Variants in DPP3 observed in about 807,000 individuals in gnomAD.
The protein encoded by DPP3 is DPP III.
A neutral mutation model predicts 89.8 loss-of-function variants in DPP3; 64 were observed. The ratio of observed to expected loss-of-function variants is 0.71; its 90% CI spans 0.58 to 0.88. The LOEUF is 0.88. DPP3 is among the 40% of genes least tolerant of loss of function. The pLI is 0.00. For synonymous variants in DPP3, 377 were observed against 404.3 expected (o/e 0.93, Z 0.81); for missense variants, 835 against 972.5 (o/e 0.86, Z 1.88).
chr11:66,494,351 C>T (rs1299435477), intron 12 of DPP3, among the ~76,000 whole-genome samples: 2 of 152,166 alleles, frequency 1.3e-5, no homozygotes, highest in African/African-American at 4.8e-5. Context: ...TGTGGGGCTG[C>T]TTCCCTGGAT....
chr11:66,493,077 G>C lies in DPP3; in HGVS notation c.1194G>C (p.Leu398=). The C allele has an allele frequency of 1.2e-6, 2 of 1,614,154 alleles. No homozygotes were observed. The highest frequency in any genetic ancestry group is 2.2e-5 in the South Asian group (2 of 91,066). The part of the protein sequence containing the change: ...AGINIPNYDD[L]RQTEGFKNVS... ...CTCCACCTTCTCCAGACGATGATCT[G>C]AGGCAGACGGAAGGCTTTAAGAACG... Residue 398 remains leucine, a synonymous_variant, in exon 11 of 18, where the codon CTG becomes CTC. Coordinates refer to ENST00000531863, the MANE Select transcript of DPP3 (RefSeq NM_130443.4).
At chr11:66,481,325 T>C (rs1033685866) in intron 1 of DPP3, among the ~76,000 whole-genome samples, 52 of 152,142 alleles carry the variant, frequency 3.4e-4, no homozygotes, top group African/African-American at 1.0e-3. Context: ...CCCGTCTCTA[T>C]CAAAAATACA....
intron 3 of DPP3, 105 bp from the exon 4 acceptor site, chr11:66,486,435 C>T: frequency 7.4e-7 from 1 of 1,343,038 alleles, no homozygotes; most frequent in Non-Finnish European, 9.7e-7. Flanking sequence ...ACACAATGAG[C>T]CAGAGCTCTT....
chr11:66,490,488 T>A (rs1855349088), intron 6 of DPP3, among the ~76,000 whole-genome samples: 1 of 152,128 alleles, frequency 6.6e-6, no homozygotes, highest in Non-Finnish European at 1.5e-5. Flanking sequence ...CCAGCTCCCC[T>A]CTGCTATCGT....
chr11:66,499,433 G>C (rs1855626231), intron 16 of DPP3, among the ~76,000 whole-genome samples: 1 of 152,008 alleles, frequency 6.6e-6, no homozygotes, highest in African/African-American at 2.4e-5. Flanking sequence ...CTTATCCACA[G>C]TTTTGCTTTA....
intron 16 of DPP3, among the ~76,000 whole-genome samples, chr11:66,502,400 C>T (rs947777323): frequency 1.3e-5 from 2 of 151,762 alleles, no homozygotes; most frequent in Admixed American, 6.6e-5. Flanking sequence ...CTCTGCCTCC[C>T]GAGTTCAAGA....
intron 17 of DPP3, among the ~76,000 whole-genome samples, chr11:66,507,283 C>T (rs1172123252): frequency 2.6e-5 from 4 of 151,872 alleles, no homozygotes; most frequent in African/African-American, 7.3e-5. Context: ...CTGGCTAACA[C>T]GGTGAAACCC....
Position 66,491,408 on chromosome 11 carries a change from G to T in DPP3, c.798+25G>T, listed in dbSNP as rs765303489. ...GGTTGGACTGGCTGGGGGCTGAGGGGTGCGGGCTGAGGACCCCTCTGGGCA... is the reference window on the plus strand; with the variant it reads ...GGTTGGACTGGCTGGGGGCTGAGGGTTGCGGGCTGAGGACCCCTCTGGGCA... On this transcript the variant is annotated intron_variant, in intron 7 of 17. Coordinates refer to ENST00000531863, the MANE Select transcript of DPP3 (RefSeq NM_130443.4). 3.7e-5 allele frequency: 59 copies of T among 1,610,406 alleles called. No homozygotes were observed. In the South Asian group the frequency reaches 5.3e-4, roughly 14 times the overall value.
intron 15 of DPP3, 49 bp downstream of exon 15, chr11:66,495,799 G>T (rs1855522769): frequency 6.4e-7 from 1 of 1,561,156 alleles, no homozygotes; most frequent in South Asian, 1.2e-5. Flanking sequence ...CCTGCAGTGG[G>T]TGCCAAGATC....
At chr11:66,482,057 A>G in intron 1 of DPP3, 136 bp from the exon 2 acceptor site, 1 of 1,276,034 alleles carries the variant, frequency 7.8e-7, no homozygotes, top group Non-Finnish European at 1.1e-6. Context: ...CAGTTAGCAT[A>G]TCTGGTGAAT....
intron 2 of DPP3, among the ~76,000 whole-genome samples, chr11:66,482,740 T>C (rs1855122370): frequency 6.6e-6 from 1 of 152,182 alleles, no homozygotes; most frequent in South Asian, 2.1e-4. Flanking sequence ...AAAGAAACTG[T>C]GGTGGAGATT....
intron 4 of DPP3, 107 bp downstream of exon 4, chr11:66,486,784 A>G: frequency 7.5e-7 from 1 of 1,336,936 alleles, no homozygotes; most frequent in Non-Finnish European, 9.9e-7. Flanking sequence ...GCTCTGCCTC[A>G]CACTCCTGAG....
intron 10 of DPP3, 56 bp downstream of exon 10, chr11:66,492,966 C>T (rs1855434249): frequency 6.3e-7 from 1 of 1,598,654 alleles, no homozygotes; most frequent in South Asian, 1.1e-5. Context: ...AGAGTCGCCC[C>T]TCCCTGTCCA....
intron 17 of DPP3, among the ~76,000 whole-genome samples, chr11:66,508,103 G>A (rs1212685534): frequency 6.6e-6 from 1 of 152,218 alleles, no homozygotes; most frequent in African/African-American, 2.4e-5. Context: ...TCACAAAGCT[G>A]TTGGGTGGCA....
In DPP3 at chr11:66,493,144, C is replaced by T. The variant is rs775361424; in HGVS notation, c.1261C>T (p.Arg421Trp). Residue 421 changes from arginine to tryptophan, a missense_variant, in exon 11 of 18, where the codon CGG (arginine) becomes TGG (tryptophan). Transcript: ENST00000531863. ...NVLAVAYATQ[R>W]EKLTFLEEDD... is the part of the protein sequence containing the mutation. ...GCTGGCTGTGGCCTACGCCACGCAG[C>T]GGGAGAAGCTTACCTTTCTGGAGGA... 20 of 1,613,902 alleles carry T rather than the reference C, an allele frequency of 1.2e-5. No homozygotes were observed. The highest frequency in any genetic ancestry group is 1.1e-4 in the East Asian group (5 of 44,902).
At chr11:66,493,457 C>T (rs1855450775) in intron 11 of DPP3, 84 bp from the exon 12 acceptor site, 11 of 1,406,146 alleles carry the variant, frequency 7.8e-6, no homozygotes, top group Non-Finnish European at 1.1e-5. Flanking sequence ...TGAGATGGGT[C>T]CATGGCCCAG....
rs753149774 is a variant in DPP3, at chr11:66,487,366, G to GT, written c.573+25dup. 17 of 1,611,778 alleles carry GT rather than the reference G, an allele frequency of 1.1e-5. No homozygotes were observed. In the East Asian group the frequency reaches 3.6e-4, roughly 34 times the overall value. ...AGGTTTGGGGTTAGGGGAGCTCAAGGTAGCAGAGGTTTGGTGGGGTTCCTA... is the reference window on the plus strand; with the variant it reads ...AGGTTTGGGGTTAGGGGAGCTCAAGGTTAGCAGAGGTTTGGTGGGGTTCCTA... On this transcript the variant is annotated intron_variant, in intron 5 of 17. Coordinates refer to ENST00000531863, the MANE Select transcript of DPP3 (RefSeq NM_130443.4).
intron 6 of DPP3, among the ~76,000 whole-genome samples, chr11:66,488,716 A>G (rs1812845694): frequency 6.6e-6 from 1 of 152,044 alleles, no homozygotes; most frequent in Non-Finnish European, 1.5e-5. Context: ...CCAGGCCTTT[A>G]TGAAGACCTT....
intron 1 of DPP3, among the ~76,000 whole-genome samples, chr11:66,481,611 C>T (rs201307034): frequency 6.6e-6 from 1 of 152,076 alleles, no homozygotes; most frequent in East Asian, 1.9e-4. Context: ...CTCTGAACCT[C>T]AGTTTCCCCA....
Sources: allele counts gnomAD v4.1 joint callset (sites outside exome capture counted in the v4.1 genomes callset), GRCh38; gene constraint gnomAD v4.1.1; transcripts MANE v1.5; gene names NCBI Gene and HGNC (gene_info 2026-07-23, HGNC 2026-07-21).